The following EYA1 variants were observed in gnomAD, a reference collection of about 807,000 sequenced individuals.
EYA1 encodes EYA transcriptional coactivator and phosphatase 1, also known as protein phosphatase EYA1.
A neutral mutation model predicts 82.0 loss-of-function variants in EYA1; 16 were observed. That is an observed-to-expected ratio of 0.20 (90% CI 0.13 to 0.30). The LOEUF (loss-of-function observed/expected upper bound fraction) is 0.30. EYA1 is among the 10% of genes least tolerant of loss of function. The probability of loss-of-function intolerance (pLI) is 1.00; values close to 1 mark genes in which losing one functional copy is unlikely to be tolerated. For missense variants in EYA1, 633 were observed against 730.7 expected (o/e 0.87, Z 1.54); for synonymous variants, 261 against 264.4 (o/e 0.99, Z 0.12).
intron 9 of EYA1, among the ~76,000 whole-genome samples, chr8:71,293,803 C>A (rs1263343768): frequency 8.9e-6 from 1 of 112,164 alleles, no homozygotes; most frequent in Non-Finnish European, 2.1e-5. Context: ...TGACAAAGAA[C>A]ATCAAAAAAC....
At chr8:71,486,023 C>T (rs1214941707) in intron 2 of EYA1, among the ~76,000 whole-genome samples, 1 of 152,190 alleles carries the variant, frequency 6.6e-6, no homozygotes, top group African/African-American at 2.4e-5. Context: ...TTAGCACCAA[C>T]AGTTCTGGCG....
At chr8:71,271,924 T>G (rs1816592975) in intron 9 of EYA1, 27 bp from the exon 10 acceptor site, 4 of 1,613,850 alleles carry the variant, frequency 2.5e-6, no homozygotes, top group African/African-American at 1.3e-5. Context: ...AGGACTTTCA[T>G]CTTTTATTTC....
intron 16 of EYA1, among the ~76,000 whole-genome samples, chr8:71,211,679 T>C (rs1218225839): frequency 1.3e-5 from 2 of 152,170 alleles, no homozygotes; most frequent in African/African-American, 4.8e-5. Context: ...TCTTCATATA[T>C]CAAACTTTGA....
intron 4 of EYA1, among the ~76,000 whole-genome samples, chr8:71,331,199 A>G (rs1823803491): frequency 6.6e-6 from 1 of 151,070 alleles, no homozygotes; most frequent in African/African-American, 2.4e-5. Flanking sequence ...ACAGCACTCC[A>G]GCCTGGGCAA....
intron 12 of EYA1, among the ~76,000 whole-genome samples, chr8:71,219,295 T>C (rs1809597882): frequency 6.6e-6 from 1 of 152,198 alleles, no homozygotes; most frequent in South Asian, 2.1e-4. Context: ...CACAGTGACT[T>C]GATTAAAGCA....
At chr8:71,293,990 T>C (rs1262512120) in intron 9 of EYA1, among the ~76,000 whole-genome samples, 3 of 151,268 alleles carry the variant, frequency 2.0e-5, no homozygotes, top group African/African-American at 7.3e-5. Flanking sequence ...AACTGTCTTT[T>C]TTCACAAAAA....
At chr8:71,305,873 C>A (rs1385023530) in intron 7 of EYA1, among the ~76,000 whole-genome samples, 1 of 152,098 alleles carries the variant, frequency 6.6e-6, no homozygotes, top group Non-Finnish European at 1.5e-5. Context: ...TATCTCTAAT[C>A]ACACGCATAC....
Position 71,542,690 on chromosome 8 carries a change from A to G in EYA1, c.-73+5174T>C, listed in dbSNP as rs180856713. Among the ~76,000 whole-genome samples the G allele has an allele frequency of 2.0e-5, 3 of 152,328 alleles. No homozygotes were observed. In the East Asian group the frequency reaches 5.8e-4, roughly 29 times the overall value. On this transcript the variant is annotated intron_variant, in intron 1 of 18. Coordinates refer to the EYA1 transcript ENST00000643681. ...TTTATATTCCCACCTACAGAGTATA[A>G]GCATTCCTTTTTCTCTGCAACCTCA...
At chr8:71,284,861 T>C (rs549117918) in intron 9 of EYA1, among the ~76,000 whole-genome samples, 5 of 152,374 alleles carry the variant, frequency 3.3e-5, no homozygotes, top group African/African-American at 1.2e-4. Flanking sequence ...TTTCACCTTC[T>C]TTGTTAATTT....
At chr8:71,497,623 T>A (rs1811512967) in intron 2 of EYA1, among the ~76,000 whole-genome samples, 1 of 151,798 alleles carries the variant, frequency 6.6e-6, no homozygotes, top group Non-Finnish European at 1.5e-5. Context: ...TTGGTGGGAG[T>A]GTAAATTACT....
intron 2 of EYA1, among the ~76,000 whole-genome samples, chr8:71,513,248 C>G (rs1586861942): frequency 6.6e-6 from 1 of 152,102 alleles, no homozygotes; most frequent in East Asian, 1.9e-4. Context: ...ATTTCATATA[C>G]TTAAGATAAA....
At chr8:71,230,065 G>A (rs1207815830) in intron 12 of EYA1, among the ~76,000 whole-genome samples, 1 of 152,118 alleles carries the variant, frequency 6.6e-6, no homozygotes, top group African/African-American at 2.4e-5. Flanking sequence ...AGGCCCTATT[G>A]TAGCTGCACT....
intron 2 of EYA1, among the ~76,000 whole-genome samples, chr8:71,533,238 G>C (rs1479812556): frequency 6.6e-6 from 1 of 152,172 alleles, no homozygotes; most frequent in Non-Finnish European, 1.5e-5. Flanking sequence ...GTCACAATGG[G>C]GCAGTTAAGA....
intron 2 of EYA1, among the ~76,000 whole-genome samples, chr8:71,391,526 T>C (rs1031487661): frequency 1.3e-5 from 2 of 152,346 alleles, no homozygotes; most frequent in East Asian, 1.9e-4. Flanking sequence ...GATTATATCT[T>C]AGATATTTTG....
rs561467066 is a variant in EYA1, at chr8:71,227,382, T to C, written c.1141-10359A>G. 4.0e-4 allele frequency among the ~76,000 whole-genome samples: 61 copies of C among 152,302 alleles called. 1 individual carries two copies. The highest frequency in any genetic ancestry group is 1.5e-3 in the African/African-American group (61 of 41,564). On this transcript the variant is annotated intron_variant, in intron 12 of 17. Coordinates refer to ENST00000340726, the MANE Select transcript of EYA1 (RefSeq NM_000503.6). Reference sequence around the variant, plus strand: ...GAGAGAATCTACTAAAGAAGAATTTTTCATAGTGACAGCAACTCTAGGCTT... The same window carrying C: ...GAGAGAATCTACTAAAGAAGAATTTCTCATAGTGACAGCAACTCTAGGCTT...
At chr8:71,411,909 T>G (rs75058468) in intron 2 of EYA1, among the ~76,000 whole-genome samples, 3 of 150,778 alleles carry the variant, frequency 2.0e-5, no homozygotes, top group African/African-American at 4.9e-5. Context: ...AAATCATGCT[T>G]CTATAAAGAC....
intron 2 of EYA1, among the ~76,000 whole-genome samples, chr8:71,444,204 C>T (rs1408213121): frequency 1.3e-5 from 2 of 152,136 alleles, no homozygotes; most frequent in East Asian, 1.9e-4. Context: ...TTCTCAAAGC[C>T]GGAAAACAAG....
At chr8:71,488,237 T>C (rs1766781360) in intron 2 of EYA1, among the ~76,000 whole-genome samples, 1 of 151,744 alleles carries the variant, frequency 6.6e-6, no homozygotes. Flanking sequence ...AGGATAAATA[T>C]ACATCATGAT....
At chr8:71,438,642 A>C (rs1399738158) in intron 2 of EYA1, among the ~76,000 whole-genome samples, 2 of 152,128 alleles carry the variant, frequency 1.3e-5, no homozygotes, top group Non-Finnish European at 2.9e-5. Context: ...ATGATGCCTG[A>C]AATGTGGAGA....
Sources: gnomAD v4.1 joint callset for allele counts (sites outside exome capture counted in the v4.1 genomes callset) on GRCh38, gnomAD v4.1.1 for gene constraint, MANE v1.5 for transcripts, NCBI Gene and HGNC (gene_info 2026-07-23, HGNC 2026-07-21) for gene names.